Variants in ASIC2 observed in about 807,000 individuals in gnomAD.
The protein encoded by ASIC2 is acid sensing ion channel subunit 2.
In ASIC2, 25 loss-of-function variants were observed where a neutral mutation model predicts 57.3. The observed-to-expected ratio is 0.44, with a 90% CI of 0.32 to 0.61. The LOEUF is 0.61. Ranked by LOEUF, ASIC2 falls within the 20% of genes least tolerant of loss-of-function variation. The probability of loss-of-function intolerance (pLI) is 0.06; values close to 1 mark genes in which losing one functional copy is unlikely to be tolerated. For missense variants in ASIC2, 641 were observed against 738.1 expected (o/e 0.87, Z 1.52); for synonymous variants, 319 against 307.5 (o/e 1.04, Z -0.39).
At chr17:33,231,957 T>A (rs1160877722) in intron 1 of ASIC2, among the ~76,000 whole-genome samples, 9 of 152,210 alleles carry the variant, frequency 5.9e-5, no homozygotes, top group Non-Finnish European at 1.0e-4. Flanking sequence ...GTCTGTGATA[T>A]CTCCAGCACT....
At chr17:34,144,727 C>T (rs1234157162) in intron 1 of ASIC2, among the ~76,000 whole-genome samples, 1 of 152,212 alleles carries the variant, frequency 6.6e-6, no homozygotes, top group Non-Finnish European at 1.5e-5. Context: ...CTGTCTGGCA[C>T]TAAATTCCAT....
chr17:33,152,059 C>T (rs1904823183), intron 1 of ASIC2, among the ~76,000 whole-genome samples: 1 of 152,220 alleles, frequency 6.6e-6, no homozygotes, highest in Non-Finnish European at 1.5e-5. Flanking sequence ...CATTTAATGT[C>T]ATCTCCTCTG....
At chr17:33,769,907 T>G (rs76029654) in intron 1 of ASIC2, among the ~76,000 whole-genome samples, 2,443 of 152,260 alleles carry the variant, frequency 0.016, 60 homozygotes, top group African/African-American at 0.055. Flanking sequence ...TTATGAGGAC[T>G]CTAGTCCCAT....
chr17:33,168,548 A>G (rs1905391125), intron 1 of ASIC2, among the ~76,000 whole-genome samples: 1 of 152,220 alleles, frequency 6.6e-6, no homozygotes, highest in Non-Finnish European at 1.5e-5. Flanking sequence ...AATGAGGAAC[A>G]AGGTACTGGA....
intron 1 of ASIC2, chr17:33,794,389 T>C (rs1437439164): frequency 6.6e-6 from 1 of 152,198 alleles, no homozygotes; most frequent in East Asian, 1.9e-4. Context: ...CTCACATTCT[T>C]CATCAGTCAT....
chr17:33,106,634 G>A lies in ASIC2; in HGVS notation c.859+5283C>T, dbSNP rs189989525. On this transcript the variant is annotated intron_variant, in intron 2 of 9. Transcript: ENST00000225823. ...GGGAGTGCCTTCTGCAACCACCATC[G>A]GCCCAACTTCTTTAGGACTATTACA... 1.1e-4 allele frequency among the ~76,000 whole-genome samples: 17 copies of A among 152,184 alleles called. No individual in the cohort carries two copies. In the East Asian group the frequency reaches 2.9e-3, roughly 26 times the overall value.
intron 1 of ASIC2, among the ~76,000 whole-genome samples, chr17:33,143,398 G>A (rs1171218637): frequency 6.6e-6 from 1 of 152,198 alleles, no homozygotes; most frequent in Non-Finnish European, 1.5e-5. Context: ...AGTTTTAAAA[G>A]TGCAATTTAT....
chr17:33,995,695 C>T (rs1038667391), intron 1 of ASIC2, among the ~76,000 whole-genome samples: 11 of 151,920 alleles, frequency 7.2e-5, no homozygotes, highest in Admixed American at 2.0e-4. Flanking sequence ...CACAAATGCA[C>T]GTATATATAC....
At chr17:34,026,349 A>G (rs1907378448) in intron 1 of ASIC2, among the ~76,000 whole-genome samples, 3 of 152,110 alleles carry the variant, frequency 2.0e-5, no homozygotes, top group African/African-American at 7.2e-5. Flanking sequence ...GCTTCTGTAA[A>G]TGTCTGGCGG....
intron 1 of ASIC2, among the ~76,000 whole-genome samples, chr17:33,370,821 C>T (rs967250291): frequency 3.9e-5 from 6 of 152,204 alleles, no homozygotes; most frequent in African/African-American, 1.4e-4. Flanking sequence ...CACGTGTTAC[C>T]GGAAAGGGGT....
At chr17:33,934,190 C>T (rs2071984195) in intron 1 of ASIC2, among the ~76,000 whole-genome samples, 1 of 152,152 alleles carries the variant, frequency 6.6e-6, no homozygotes, top group African/African-American at 2.4e-5. Flanking sequence ...TGTGATCTCA[C>T]CTGCAAGGGG....
chr17:34,150,116 C>T (rs1311475102), intron 1 of ASIC2, among the ~76,000 whole-genome samples: 1 of 152,140 alleles, frequency 6.6e-6, no homozygotes, highest in East Asian at 1.9e-4. Flanking sequence ...GGACACTATG[C>T]AAAGTGAAAT....
intron 1 of ASIC2, among the ~76,000 whole-genome samples, chr17:33,820,255 T>C (rs762545259): frequency 2.0e-5 from 3 of 152,242 alleles, no homozygotes; most frequent in Non-Finnish European, 4.4e-5. Context: ...TTTTCAACTA[T>C]GATGTTTATG....
At chr17:33,434,623 C>A (rs1297760538) in intron 1 of ASIC2, among the ~76,000 whole-genome samples, 1 of 152,076 alleles carries the variant, frequency 6.6e-6, no homozygotes, top group Admixed American at 6.6e-5. Context: ...CTTTTATGTA[C>A]AAAGGACATA....
chr17:34,087,390 A>G (rs570855628), intron 1 of ASIC2, among the ~76,000 whole-genome samples: 1 of 152,024 alleles, frequency 6.6e-6, no homozygotes, highest in Non-Finnish European at 1.5e-5. Context: ...TGGCTTGTAG[A>G]GTTTCTGCCG....
chr17:33,614,538 A>G (rs1905530309), intron 1 of ASIC2, among the ~76,000 whole-genome samples: 1 of 152,274 alleles, frequency 6.6e-6, no homozygotes, highest in African/African-American at 2.4e-5. Context: ...ACATTTCTGC[A>G]TCGCCAAGGG....
At chr17:33,487,423 G>T (rs962876798) in intron 1 of ASIC2, among the ~76,000 whole-genome samples, 1 of 152,192 alleles carries the variant, frequency 6.6e-6, no homozygotes, top group Non-Finnish European at 1.5e-5. Flanking sequence ...TGGAGTCAGA[G>T]GATCTGACTT....
intron 1 of ASIC2, among the ~76,000 whole-genome samples, chr17:33,487,664 G>T (rs568383168): frequency 2.6e-5 from 4 of 152,296 alleles, no homozygotes; most frequent in Non-Finnish European, 4.4e-5. Flanking sequence ...GTCACTCACT[G>T]GGAGAGGCAG....
chr17:33,101,584 C>T (rs1176712510), intron 2 of ASIC2, among the ~76,000 whole-genome samples: 1 of 152,196 alleles, frequency 6.6e-6, no homozygotes, highest in Non-Finnish European at 1.5e-5. Context: ...TACCCAATTT[C>T]TACCATGTAG....
Sources: gnomAD v4.1 joint callset for allele counts (sites outside exome capture counted in the v4.1 genomes callset) on GRCh38, gnomAD v4.1.1 for gene constraint, MANE v1.5 for transcripts, NCBI Gene and HGNC (gene_info 2026-07-23, HGNC 2026-07-21) for gene names.